The following RBFOX1 variants were observed in gnomAD, a reference collection of about 807,000 sequenced individuals.
RBFOX1 encodes RNA binding protein fox-1 homolog 1.
In RBFOX1, 8 loss-of-function variants were observed where a neutral mutation model predicts 57.7. The ratio of observed to expected loss-of-function variants is 0.14; its 90% CI spans 0.08 to 0.25. The LOEUF is 0.25. RBFOX1 is among the 10% of genes least tolerant of loss of function. The pLI is 1.00. For synonymous variants in RBFOX1, 326 were observed against 222.4 expected, an observed-to-expected ratio of 1.47 and a Z score of -4.15; for missense variants, 611 against 548.5, an observed-to-expected ratio of 1.11 and a Z score of -1.14.
chr16:6,717,242 A>G (rs893852347), intron 3 of RBFOX1, among the ~76,000 whole-genome samples: 2 of 152,192 alleles, frequency 1.3e-5, no homozygotes, highest in African/African-American at 4.8e-5. Flanking sequence ...ACTGTTAAAA[A>G]AAAAAGATAC....
At chr16:6,087,938 A>C (rs1164084961) in intron 1 of RBFOX1, among the ~76,000 whole-genome samples, 1 of 152,212 alleles carries the variant, frequency 6.6e-6, no homozygotes, top group Non-Finnish European at 1.5e-5. Flanking sequence ...GGCGTCAGCC[A>C]CCACACCCAG....
At chr16:7,632,553 A>G (rs926500881) in intron 11 of RBFOX1, among the ~76,000 whole-genome samples, 1 of 152,168 alleles carries the variant, frequency 6.6e-6, no homozygotes, top group African/African-American at 2.4e-5. Flanking sequence ...ACATTATTCA[A>G]CCTTCAGCTA....
intron 2 of RBFOX1, among the ~76,000 whole-genome samples, chr16:5,541,092 C>T (rs961736100): frequency 6.6e-6 from 1 of 152,132 alleles, no homozygotes; most frequent in Non-Finnish European, 1.5e-5. Flanking sequence ...TCAAGTGATC[C>T]ACCTGCCTGG....
chr16:6,205,376 A>T (rs1193674949), intron 1 of RBFOX1, among the ~76,000 whole-genome samples: 3 of 152,222 alleles, frequency 2.0e-5, no homozygotes, highest in Admixed American at 2.0e-4. Flanking sequence ...AAGTCACCTG[A>T]GATGAAATTG....
chr16:5,795,494 G>C (rs1191168163), intron 3 of RBFOX1, among the ~76,000 whole-genome samples: 2 of 151,910 alleles, frequency 1.3e-5, no homozygotes, highest in Non-Finnish European at 2.9e-5. Context: ...GTGGAGATGG[G>C]GTATTGCTAT....
chr16:7,291,865 C>G (rs948695941), intron 4 of RBFOX1, among the ~76,000 whole-genome samples: 1 of 144,840 alleles, frequency 6.9e-6, no homozygotes, highest in Non-Finnish European at 1.5e-5. Flanking sequence ...ATAGCCATTA[C>G]TATATTACTA....
chr16:7,058,046 C>G (rs1267720281), intron 4 of RBFOX1, among the ~76,000 whole-genome samples: 1 of 147,968 alleles, frequency 6.8e-6, no homozygotes, highest in Non-Finnish European at 1.5e-5. Context: ...AGATATAGAT[C>G]TCTGCTATGC....
chr16:7,221,823 A>G (rs536518706), intron 4 of RBFOX1, among the ~76,000 whole-genome samples: 1 of 152,368 alleles, frequency 6.6e-6, no homozygotes, highest in East Asian at 1.9e-4. Context: ...GCACATACAG[A>G]GGCCTGAAAA....
intron 4 of RBFOX1, among the ~76,000 whole-genome samples, chr16:7,410,400 G>T (rs1027434499): frequency 6.6e-6 from 1 of 152,220 alleles, no homozygotes; most frequent in East Asian, 1.9e-4. Flanking sequence ...CTGCAGCCTC[G>T]GCTGAGCGTG....
chr16:5,921,613 G>A (rs139651650), intron 4 of RBFOX1, among the ~76,000 whole-genome samples: 1 of 152,282 alleles, frequency 6.6e-6, no homozygotes, highest in East Asian at 1.9e-4. Flanking sequence ...GGAAAAGGAA[G>A]TGTGTTAGGT....
At chr16:7,679,159 A>G (rs754565860) in intron 14 of RBFOX1, among the ~76,000 whole-genome samples, 19 of 152,356 alleles carry the variant, frequency 1.2e-4, no homozygotes, top group Non-Finnish European at 1.9e-4. Flanking sequence ...TAAAATGTCT[A>G]TTAAATGGTG....
chr16:5,688,846 A>G (rs371454011), intron 3 of RBFOX1, among the ~76,000 whole-genome samples: 2 of 152,216 alleles, frequency 1.3e-5, no homozygotes, highest in African/African-American at 2.4e-5. Flanking sequence ...TAGAGACTCA[A>G]CGTTTGCCAG....
intron 4 of RBFOX1, among the ~76,000 whole-genome samples, chr16:7,314,109 G>A (rs774639016): frequency 6.6e-6 from 1 of 152,148 alleles, no homozygotes; most frequent in Non-Finnish European, 1.5e-5. Flanking sequence ...TGGACTTGGG[G>A]AGGAGGAAGG....
chr16:7,101,763 C>G (rs1362883268), intron 4 of RBFOX1, among the ~76,000 whole-genome samples: 3 of 152,100 alleles, frequency 2.0e-5, no homozygotes, highest in African/African-American at 7.2e-5. Context: ...GATGCCTGTC[C>G]TGGTCCTCTT....
intron 1 of RBFOX1, among the ~76,000 whole-genome samples, chr16:6,064,684 G>C (rs745676460): frequency 1.3e-5 from 2 of 152,058 alleles, no homozygotes; most frequent in South Asian, 2.1e-4. Flanking sequence ...GAGACTACAG[G>C]TGCATGCCAC....
chr16:5,588,619 A>T (rs2046907972), intron 2 of RBFOX1, among the ~76,000 whole-genome samples: 1 of 152,166 alleles, frequency 6.6e-6, no homozygotes, highest in South Asian at 2.1e-4. Context: ...AACAGTCCTC[A>T]GCACGTCCCC....
chr16:7,404,533 A>T (rs377626400), intron 4 of RBFOX1, among the ~76,000 whole-genome samples: 3 of 152,152 alleles, frequency 2.0e-5, no homozygotes, highest in African/African-American at 7.2e-5. Flanking sequence ...AGGTGCTATT[A>T]TCATTTCTGC....
At chr16:7,225,622 C>A (rs1026883722) in intron 4 of RBFOX1, among the ~76,000 whole-genome samples, 1 of 151,700 alleles carries the variant, frequency 6.6e-6, no homozygotes, top group Non-Finnish European at 1.5e-5. Context: ...TCAAAGATAA[C>A]TAAGCTGTGG....
chr16:5,763,119 C>T (rs1192332428), intron 3 of RBFOX1, among the ~76,000 whole-genome samples: 1 of 152,156 alleles, frequency 6.6e-6, no homozygotes, highest in Admixed American at 6.5e-5. Flanking sequence ...GAAAGTAGAA[C>T]ATAAATGCGC....
Sources: allele counts gnomAD v4.1 joint callset (sites outside exome capture counted in the v4.1 genomes callset), GRCh38; gene constraint gnomAD v4.1.1; transcripts MANE v1.5; gene names NCBI Gene and HGNC (gene_info 2026-07-23, HGNC 2026-07-21).